The following HS3ST3A1 variants were observed in gnomAD, a reference collection of about 807,000 sequenced individuals.
HS3ST3A1 encodes heparan sulfate glucosamine 3-O-sulfotransferase 3A1.
In HS3ST3A1, 19 loss-of-function variants were observed where a neutral mutation model predicts 25.7. That is an observed-to-expected ratio of 0.74 (90% CI 0.52 to 1.08). The LOEUF (loss-of-function observed/expected upper bound fraction) is 1.08. Ranked by LOEUF, HS3ST3A1 falls within the 50% of genes least tolerant of loss-of-function variation. HS3ST3A1 has a pLI of 0.00. For synonymous variants in HS3ST3A1, 226 were observed against 278.6 expected, an observed-to-expected ratio of 0.81 and a Z score of 1.88; for missense variants, 459 against 594.3, an observed-to-expected ratio of 0.77 and a Z score of 2.37.
chr17:13,503,155 G>A lies in HS3ST3A1; in HGVS notation c.600-6337C>T, dbSNP rs145645778. On this transcript the variant is annotated intron_variant, in intron 1 of 1. Coordinates refer to ENST00000284110, the MANE Select transcript of HS3ST3A1 (RefSeq NM_006042.3). The stretch of plus-strand genomic sequence containing the variant: ...AGGCCACTGCACTCCAGCCTAGCAA[G>A]AGAGCAAGACTCCATCTCAAAAAAA... 4.9e-4 allele frequency among the ~76,000 whole-genome samples: 56 copies of A among 113,150 alleles called. 1 individual carries two copies. In the East Asian group the frequency reaches 0.015, roughly 31 times the overall value. The allele number at this position is 113,150 out of a possible 152,430, so 74.2% of individuals were successfully genotyped here.
intron 1 of HS3ST3A1, among the ~76,000 whole-genome samples, chr17:13,579,409 A>G: frequency 6.6e-6 from 1 of 152,122 alleles, no homozygotes; most frequent in Non-Finnish European, 1.5e-5. Context: ...TACTCTTAAA[A>G]GAGGATTTAG....
In HS3ST3A1 at chr17:13,522,146, A is replaced by G. The variant is rs548222116; in HGVS notation, c.600-25328T>C. Among the ~76,000 whole-genome samples the G allele has an allele frequency of 8.5e-5, 13 of 152,310 alleles. No individual in the cohort carries two copies. The East Asian group carries it at 2.5e-3, about 29-fold the overall frequency. ...TAAAAAATATCAGACAGCATAGCATAAGAGAAGTAATTGTTTCGTGAACAT... is the reference window on the plus strand; with the variant it reads ...TAAAAAATATCAGACAGCATAGCATGAGAGAAGTAATTGTTTCGTGAACAT... On this transcript the variant is annotated intron_variant, in intron 1 of 1. Coordinates refer to ENST00000284110, the MANE Select transcript of HS3ST3A1 (RefSeq NM_006042.3).
chr17:13,568,309 C>T (rs1011593540), intron 1 of HS3ST3A1, among the ~76,000 whole-genome samples: 2 of 152,178 alleles, frequency 1.3e-5, no homozygotes, highest in Non-Finnish European at 2.9e-5. Flanking sequence ...TTTATACACA[C>T]TGGGAAATCA....
chr17:13,552,808 A>T (rs1567622072), intron 1 of HS3ST3A1, among the ~76,000 whole-genome samples: 1 of 152,144 alleles, frequency 6.6e-6, no homozygotes, highest in Non-Finnish European at 1.5e-5. Context: ...GTGGAAATGG[A>T]TGTGGTATAC....
At chr17:13,581,096 A>T (rs1227897309) in intron 1 of HS3ST3A1, among the ~76,000 whole-genome samples, 1 of 152,224 alleles carries the variant, frequency 6.6e-6, no homozygotes, top group East Asian at 1.9e-4. Context: ...ATGCTCAAAG[A>T]TATTAATATT....
intron 1 of HS3ST3A1, among the ~76,000 whole-genome samples, chr17:13,512,305 C>CAAAAAAAAAAAAAAAAAAAAAAAA (rs67523378): frequency 2.4e-5 from 2 of 82,114 alleles, no homozygotes; most frequent in African/African-American, 1.2e-4. Context: ...GACTCCGTCT[C>CAAAAAAAAAAAAAAAAAAAAAAAA]AAAAAAAAAA....
At chr17:13,530,826 C>T (rs1351382683) in intron 1 of HS3ST3A1, among the ~76,000 whole-genome samples, 2 of 152,138 alleles carry the variant, frequency 1.3e-5, no homozygotes, top group Non-Finnish European at 2.9e-5. Context: ...CAAATGAATA[C>T]GAGGCAGGCA....
At chr17:13,528,917 C>T (rs761642123) in intron 1 of HS3ST3A1, among the ~76,000 whole-genome samples, 4 of 143,222 alleles carry the variant, frequency 2.8e-5, no homozygotes, top group Non-Finnish European at 6.0e-5. Flanking sequence ...ACCATGTGGA[C>T]GTGTGCAGTG....
intron 1 of HS3ST3A1, among the ~76,000 whole-genome samples, chr17:13,521,415 C>A (rs1329331196): frequency 6.6e-6 from 1 of 152,128 alleles, no homozygotes; most frequent in African/African-American, 2.4e-5. Flanking sequence ...TAATAGAGGG[C>A]CAGGCAGGTC....
intron 1 of HS3ST3A1, chr17:13,543,454 C>T (rs1388883194): frequency 6.0e-6 from 1 of 167,644 alleles, no homozygotes; most frequent in Non-Finnish European, 1.5e-5. Context: ...CAGACTAATA[C>T]AGTGCCACAA....
At chr17:13,498,545 T>C (rs1362601806) in intron 1 of HS3ST3A1, among the ~76,000 whole-genome samples, 1 of 152,214 alleles carries the variant, frequency 6.6e-6, no homozygotes, top group Non-Finnish European at 1.5e-5. Context: ...AAAGAAATTA[T>C]CTGACCTATC....
rs534065954 is a variant in HS3ST3A1 at position 13,496,445 on chromosome 17, G to T, written c.973C>A (p.Arg325Ser). The change falls in exon 2 of 2, where the codon CGC becomes AGC. Residue 325 changes from arginine to serine, a missense_variant. Physicochemically the swap from Arg to Ser is moderately radical, Grantham distance 110. Coordinates refer to ENST00000284110, the MANE Select transcript of HS3ST3A1 (RefSeq NM_006042.3). The stretch of plus-strand genomic sequence containing the variant: ...TTGAGGCCCAGGAAGTCTTGCACGC[G>T]GCCCAGCTCCCCGGCCGGGTCGCTG... ...LISDPAGELGRVQDFLGLKRI... is the reference protein window; with the variant it reads ...LISDPAGELGSVQDFLGLKRI... 6.6e-6 allele frequency: 9 copies of T among 1,359,900 alleles called. No homozygotes were observed. In the East Asian group the frequency reaches 2.0e-4, roughly 30 times the overall value. 84.2% of individuals were successfully genotyped at this position (1,359,900 alleles called of 1,614,324 possible).
intron 1 of HS3ST3A1, among the ~76,000 whole-genome samples, chr17:13,498,951 T>TA (rs1905369792): frequency 6.6e-6 from 1 of 151,780 alleles, no homozygotes; most frequent in Admixed American, 6.6e-5. Flanking sequence ...TTTTGTTTTT[T>TA]TTTTTTGGGT....
chr17:13,531,086 A>G (rs1906590736), intron 1 of HS3ST3A1, among the ~76,000 whole-genome samples: 2 of 150,370 alleles, frequency 1.3e-5, no homozygotes, highest in African/African-American at 2.5e-5. Flanking sequence ...GTATTGCATG[A>G]GCTTAAACTT....
At chr17:13,545,389 C>T (rs756800407) in intron 1 of HS3ST3A1, among the ~76,000 whole-genome samples, 5 of 152,212 alleles carry the variant, frequency 3.3e-5, no homozygotes, top group Admixed American at 2.0e-4. Flanking sequence ...TGCTTCTCAT[C>T]GTGGTGGAGT....
intron 1 of HS3ST3A1, among the ~76,000 whole-genome samples, chr17:13,588,768 C>A (rs1214595058): frequency 6.6e-6 from 1 of 151,740 alleles, no homozygotes; most frequent in African/African-American, 2.4e-5. Flanking sequence ...ACTACAAGCT[C>A]TGCCTCCCGG....
intron 1 of HS3ST3A1, among the ~76,000 whole-genome samples, chr17:13,592,152 G>A (rs560017113): frequency 1.3e-5 from 2 of 152,312 alleles, no homozygotes; most frequent in African/African-American, 4.8e-5. Flanking sequence ...CAGTGGTGAG[G>A]CTCTGGCATG....
At chr17:13,522,065 G>C (rs1185175189) in intron 1 of HS3ST3A1, among the ~76,000 whole-genome samples, 1 of 152,098 alleles carries the variant, frequency 6.6e-6, no homozygotes, top group African/African-American at 2.4e-5. Flanking sequence ...CACTGCTTTA[G>C]AAAATTGCCA....
intron 1 of HS3ST3A1, among the ~76,000 whole-genome samples, chr17:13,525,201 C>T (rs965499131): frequency 2.0e-5 from 3 of 152,088 alleles, no homozygotes; most frequent in African/African-American, 7.2e-5. Context: ...ATCACAGATT[C>T]TTATTCCTCC....
Sources: gnomAD v4.1 joint callset for allele counts (sites outside exome capture counted in the v4.1 genomes callset) on GRCh38, gnomAD v4.1.1 for gene constraint, MANE v1.5 for transcripts, NCBI Gene and HGNC (gene_info 2026-07-23, HGNC 2026-07-21) for gene names.